The following DMD variants were observed in gnomAD, a reference collection of about 807,000 sequenced individuals.
The protein encoded by DMD is mutant dystrophin.
A neutral mutation model predicts 330.1 loss-of-function variants in DMD; 63 were observed. The ratio of observed to expected loss-of-function variants is 0.19; its 90% confidence interval spans 0.16 to 0.24. DMD has a LOEUF of 0.24. DMD is among the 10% of genes least tolerant of loss of function. The pLI is 1.00. For missense variants in DMD, 3,344 were observed against 2,684.1 expected (o/e 1.25, Z -5.43); for synonymous variants, 1,223 against 959.8 (o/e 1.27, Z -5.07).
chrX:33,030,338 T>C (rs924717615), intron 1 of DMD, among the ~76,000 whole-genome samples: 2 of 111,928 alleles, frequency 1.8e-5, no homozygotes, highest in Non-Finnish European at 3.8e-5. Flanking sequence ...ATTTGAAAGA[T>C]AAAAACAAAA....
intron 60 of DMD, among the ~76,000 whole-genome samples, chrX:31,415,006 T>C (rs1393449327): frequency 8.9e-6 from 1 of 112,664 alleles, no homozygotes; most frequent in Non-Finnish European, 1.9e-5. Context: ...ATAACACTTC[T>C]GTGCTACCAT....
chrX:32,273,515 T>C (rs2097373516), intron 43 of DMD, among the ~76,000 whole-genome samples: 1 of 108,409 alleles, frequency 9.2e-6, no homozygotes, highest in Non-Finnish European at 1.9e-5. Flanking sequence ...TTTTTTTTCA[T>C]GACTGAACAG....
At chrX:33,118,174 G>A (rs1278552740) in intron 1 of DMD, among the ~76,000 whole-genome samples, 4 of 102,613 alleles carry the variant, frequency 3.9e-5, no homozygotes, top group African/African-American at 7.1e-5. Flanking sequence ...GCAGTGGCGC[G>A]ATCTCGGCTC....
chrX:32,595,841 C>A lies in DMD; in HGVS notation c.1518G>T (p.Arg506Ser), dbSNP rs755456119. ...LQEDLEQEQV[R>S]VNSLTHMVVV... is the part of the protein sequence containing the mutation. ...CCACCATGTGAGTGAGAGAATTGAC[C>A]CTGACTTGTTCTTGTTCTAGATCTT... The change falls in exon 13 of 79, where the codon AGG becomes AGT. Residue 506 changes from arginine to serine, a missense_variant. Transcript: ENST00000357033. The A allele has an allele frequency of 4.4e-5, 53 of 1,200,683 alleles. No individual in the cohort carries two copies. Among genetic ancestry groups the A allele is most frequent in the Middle Eastern group, 2.3e-4 (1 of 4,356 alleles).
intron 23 of DMD, among the ~76,000 whole-genome samples, chrX:32,466,994 T>A (rs1188189168): frequency 8.9e-6 from 1 of 111,932 alleles, no homozygotes; most frequent in African/African-American, 3.2e-5. Context: ...TTCACTAGAA[T>A]GTGGGCTCCT....
intron 44 of DMD, among the ~76,000 whole-genome samples, chrX:31,973,998 A>G (rs1473108889): frequency 8.9e-6 from 1 of 112,097 alleles, no homozygotes; most frequent in African/African-American, 3.2e-5. Flanking sequence ...AATAGCAAAG[A>G]CATGGAATCC....
intron 7 of DMD, among the ~76,000 whole-genome samples, chrX:32,721,466 C>T (rs1320422704): frequency 2.7e-5 from 3 of 109,423 alleles, no homozygotes; most frequent in Admixed American, 9.8e-5. Flanking sequence ...ATATTGAGCA[C>T]GTTTTAATTT....
intron 55 of DMD, among the ~76,000 whole-genome samples, chrX:31,573,141 T>C (rs769660111): frequency 1.8e-5 from 2 of 111,109 alleles, no homozygotes; most frequent in Non-Finnish European, 3.8e-5. Context: ...TAGTGGGAGG[T>C]TGCAAACAAA....
intron 2 of DMD, among the ~76,000 whole-genome samples, chrX:33,007,703 C>G (rs2147499977): frequency 9.0e-6 from 1 of 111,394 alleles, no homozygotes; most frequent in East Asian, 2.8e-4. Flanking sequence ...ATTCAAAACA[C>G]TAGAGCACCT....
intron 2 of DMD, among the ~76,000 whole-genome samples, chrX:32,933,303 G>A (rs1366710022): frequency 9.0e-6 from 1 of 111,223 alleles, no homozygotes; most frequent in African/African-American, 3.3e-5. Flanking sequence ...GAGTAAACAG[G>A]CAAAGTCACA....
intron 17 of DMD, among the ~76,000 whole-genome samples, chrX:32,527,821 C>T (rs1249513134): frequency 2.7e-5 from 3 of 110,990 alleles, no homozygotes; most frequent in Non-Finnish European, 5.6e-5. Flanking sequence ...ATAGTTCCCT[C>T]TCCAAATCAA....
intron 33 of DMD, among the ~76,000 whole-genome samples, chrX:32,385,640 A>C (rs1367578091): frequency 3.1e-5 from 1 of 31,841 alleles, no homozygotes; most frequent in Non-Finnish European, 5.3e-5. Flanking sequence ...AGAATATTTG[A>C]GTTGAGCGAA....
At chrX:31,682,090 T>C (rs1454075568) in intron 52 of DMD, among the ~76,000 whole-genome samples, 1 of 111,526 alleles carries the variant, frequency 9.0e-6, no homozygotes, top group Non-Finnish European at 1.9e-5. Flanking sequence ...CAAAAATAAA[T>C]ACATAGAAAG....
intron 47 of DMD, 103 bp downstream of exon 47, chrX:31,929,493 A>G (rs2094825549): frequency 2.7e-5 from 26 of 971,637 alleles, no homozygotes; most frequent in Non-Finnish European, 3.8e-5. Context: ...AACAATCCAC[A>G]TACCAGCCTC....
intron 46 of DMD, among the ~76,000 whole-genome samples, chrX:31,931,787 CTG>C (rs1185890187): frequency 9.0e-6 from 1 of 110,780 alleles, no homozygotes; most frequent in Non-Finnish European, 1.9e-5. Flanking sequence ...AAGATAAAAA[CTG>C]TGAATTATAT....
intron 9 of DMD, among the ~76,000 whole-genome samples, chrX:32,661,248 T>C (rs1250979402): frequency 1.8e-5 from 2 of 111,535 alleles, no homozygotes; most frequent in African/African-American, 3.2e-5. Flanking sequence ...CTTCATCATC[T>C]AAATTCTTTT....
chrX:31,190,627 A>AG (rs1182397167), intron 67 of DMD, among the ~76,000 whole-genome samples: 3 of 5,064 alleles, frequency 5.9e-4, no homozygotes, highest in Admixed American at 1.7e-3. Context: ...GAGGGCGGGG[A>AG]GGGGGTGCTA....
rs2048229239 is a variant in DMD at position 33,150,419 on chromosome X, GAGTAGCTGGGA to G, written c.31+60852_31+60862del. ...AGGGATTCTCCTGCCTCAGCCTCCTGAGTAGCTGGGATTACAGATGTGCACCACCACGCCCG... is the reference window on the plus strand; with the variant it reads ...AGGGATTCTCCTGCCTCAGCCTCCTGTTACAGATGTGCACCACCACGCCCG... On this transcript the variant is annotated intron_variant, in intron 1 of 78. Coordinates refer to ENST00000357033, the MANE Select transcript of DMD (RefSeq NM_004006.3). Among the ~76,000 whole-genome samples the G allele has an allele frequency of 2.8e-5, 3 of 107,532 alleles. No individual in the cohort carries two copies. The Admixed American group carries it at 3.1e-4, about 11-fold the overall frequency. 93.4% of individuals were successfully genotyped at this position (107,532 alleles called of 115,157 possible).
At chrX:32,301,458 A>G (rs2097523596) in intron 42 of DMD, among the ~76,000 whole-genome samples, 3 of 110,388 alleles carry the variant, frequency 2.7e-5, no homozygotes, top group Non-Finnish European at 5.7e-5. Flanking sequence ...GTTTAATGAT[A>G]TATATTAATA....
Sources: allele counts gnomAD v4.1 joint callset (sites outside exome capture counted in the v4.1 genomes callset), GRCh38; gene constraint gnomAD v4.1.1; transcripts MANE v1.5; gene names NCBI Gene and HGNC (gene_info 2026-07-23, HGNC 2026-07-21).